ULK4: variants seen among roughly 807,000 people sequenced by gnomAD.
The protein encoded by ULK4 is inactive serine/threonine-protein kinase ULK4.
ULK4 carries 133 observed loss-of-function variants against 160.6 expected under a neutral mutation model. That is an observed-to-expected ratio of 0.83 (90% confidence interval 0.72 to 0.96). The LOEUF (loss-of-function observed/expected upper bound fraction) is 0.96. Ranked by LOEUF, ULK4 falls within the 40% of genes least tolerant of loss-of-function variation. The pLI is 0.00. For missense variants in ULK4, 1,580 were observed against 1,499.5 expected (o/e 1.05, Z -0.89); for synonymous variants, 534 against 539.8 (o/e 0.99, Z 0.15).
chr3:41,929,658 A>G (rs1243688257), intron 5 of ULK4, among the ~76,000 whole-genome samples: 2 of 152,236 alleles, frequency 1.3e-5, no homozygotes, highest in Non-Finnish European at 2.9e-5. Context: ...TACAACATCA[A>G]TGTGCGAAAA....
intron 35 of ULK4, among the ~76,000 whole-genome samples, chr3:41,291,940 C>T (rs1182808143): frequency 6.6e-6 from 1 of 151,784 alleles, no homozygotes; most frequent in Non-Finnish European, 1.5e-5. Flanking sequence ...ATGCCATTAT[C>T]CTGCCTCAGC....
intron 35 of ULK4, among the ~76,000 whole-genome samples, chr3:41,337,650 T>C (rs1329020134): frequency 6.6e-6 from 1 of 152,134 alleles, no homozygotes; most frequent in Non-Finnish European, 1.5e-5. Context: ...ACTTTAGAAT[T>C]TGTTTTGTAC....
intron 31 of ULK4, among the ~76,000 whole-genome samples, chr3:41,593,898 C>G (rs72860689): frequency 0.094 from 14,268 of 151,326 alleles, 2,322 homozygotes; most frequent in African/African-American, 0.33. Flanking sequence ...CCAGGTATCA[C>G]GGCATGTATC....
chr3:41,431,185 T>C (rs1391986236), intron 34 of ULK4, among the ~76,000 whole-genome samples: 5 of 151,958 alleles, frequency 3.3e-5, no homozygotes, highest in Admixed American at 6.6e-5. Context: ...TCGTCTCTAC[T>C]AAAAATACAA....
rs191754613 is a variant in ULK4 at position 41,571,327 on chromosome 3, A to C, written c.3121-5197T>G. Among the ~76,000 whole-genome samples, 734 of 152,326 alleles carry C rather than the reference A, an allele frequency of 4.8e-3. 5 individuals are homozygous for C. The highest frequency in any genetic ancestry group is 8.6e-3 in the Non-Finnish European group (585 of 68,014). On this transcript the variant is annotated intron_variant, in intron 31 of 36. Transcript: ENST00000301831. ...CTCTGGCCTAGAGCATCATTTCCCC[A>C]AAAAGAATGCTAAATCCATGCAAAG...
chr3:41,736,337 A>C (rs936793546), intron 22 of ULK4, among the ~76,000 whole-genome samples: 6 of 151,712 alleles, frequency 4.0e-5, no homozygotes, highest in African/African-American at 1.5e-4. Flanking sequence ...ATTTCTCCAC[A>C]TCCTCTCCAG....
chr3:41,833,277 T>G (rs1426496186), intron 18 of ULK4, among the ~76,000 whole-genome samples: 2 of 126,474 alleles, frequency 1.6e-5, no homozygotes, highest in Middle Eastern at 4.5e-3. Flanking sequence ...TTAAGTTGTT[T>G]TTTTTTTTGT....
chr3:41,850,215 G>T (rs1040767913), intron 17 of ULK4, among the ~76,000 whole-genome samples: 16 of 152,210 alleles, frequency 1.1e-4, no homozygotes, highest in Middle Eastern at 3.4e-3. Context: ...CTATCATTGT[G>T]GGACATTTGG....
intron 27 of ULK4, among the ~76,000 whole-genome samples, chr3:41,695,026 C>T (rs1012992542): frequency 1.2e-4 from 18 of 152,168 alleles, no homozygotes; most frequent in East Asian, 1.9e-4. Context: ...TCCAAGATCA[C>T]GGTGCCAGCA....
At chr3:41,800,449 A>G (rs1402201426) in intron 19 of ULK4, among the ~76,000 whole-genome samples, 156 bp from the exon 20 acceptor site, 1 of 152,206 alleles carries the variant, frequency 6.6e-6, no homozygotes, top group Admixed American at 6.5e-5. Flanking sequence ...TCAGGTCATT[A>G]TGAAACTATT....
chr3:41,822,753 G>A (rs1288310922), intron 18 of ULK4, among the ~76,000 whole-genome samples: 124 of 103,864 alleles, frequency 1.2e-3, no homozygotes, highest in Non-Finnish European at 3.8e-4. Context: ...AGACAGTCTC[G>A]CTCTGTCACC....
intron 19 of ULK4, among the ~76,000 whole-genome samples, chr3:41,801,765 C>G (rs1205316247): frequency 1.3e-5 from 2 of 152,004 alleles, no homozygotes; most frequent in African/African-American, 4.8e-5. Flanking sequence ...GTGGGAGGAT[C>G]ACTTGAGCAT....
At chr3:41,827,857 T>C (rs2041420764) in intron 18 of ULK4, among the ~76,000 whole-genome samples, 1 of 151,880 alleles carries the variant, frequency 6.6e-6, no homozygotes, top group Non-Finnish European at 1.5e-5. Flanking sequence ...AAAAGAGAAT[T>C]TTAGACCAAT....
At chr3:41,681,386 A>G (rs768926150) in intron 29 of ULK4, 122 bp downstream of exon 29, 8 of 1,381,784 alleles carry the variant, frequency 5.8e-6, no homozygotes, top group Admixed American at 2.3e-5. Flanking sequence ...TAATGAGTAC[A>G]CAAGCATATG....
rs1310629303 is a variant in ULK4 at position 41,911,634 on chromosome 3, GC to G, written c.921del (p.Pro308HisfsTer25). The G allele has an allele frequency of 6.2e-7, 1 of 1,613,524 alleles. No individual in the cohort carries two copies. The highest frequency in any genetic ancestry group is 8.5e-7 in the Non-Finnish European group (1 of 1,179,996). On this transcript the variant is annotated frameshift_variant, in exon 10 of 37. Coordinates refer to ENST00000301831, the MANE Select transcript of ULK4 (RefSeq NM_017886.4). LOFTEE classifies it high-confidence loss of function. ...TGCAAAAGCTCCTTGGAATCTTGTG[GC>G]CCAGAACACTCCATAGTGTTTCTGC... ...SLSRNTMECS[G>X]PQDSKELLQN...
intron 35 of ULK4, among the ~76,000 whole-genome samples, chr3:41,392,769 C>T (rs1280783962): frequency 6.6e-6 from 1 of 152,122 alleles, no homozygotes; most frequent in African/African-American, 2.4e-5. Context: ...TCTTTTCCTC[C>T]TTAACTTCTT....
chr3:41,272,983 G>A (rs1354740689), intron 35 of ULK4, among the ~76,000 whole-genome samples: 2 of 152,112 alleles, frequency 1.3e-5, no homozygotes, highest in African/African-American at 4.8e-5. Context: ...GAATAGAGTT[G>A]TAACTTTTAA....
At position 41,305,185 on chromosome 3, in the gene ULK4, G is replaced by GCTCTCC. The variant is rs72360335; in HGVS notation, c.3679-55617_3679-55612dup. On this transcript the variant is annotated intron_variant, in intron 35 of 36. Transcript: ENST00000301831. Reference sequence around the variant, plus strand: ...GAAGGTGATTCAAAACTGGAATAGGGCTCTCCCTCTCCCTCTCCCTCTCCC... The same window carrying GCTCTCC: ...GAAGGTGATTCAAAACTGGAATAGGGCTCTCCCTCTCCCTCTCCCTCTCCCTCTCCC... 2.1e-3 allele frequency among the ~76,000 whole-genome samples: 310 copies of GCTCTCC among 146,942 alleles called. 1 individual carries two copies. The highest frequency in any genetic ancestry group is 0.015 in the East Asian group (75 of 5,078).
At chr3:41,350,292 G>A (rs996971546) in intron 35 of ULK4, among the ~76,000 whole-genome samples, 3 of 152,024 alleles carry the variant, frequency 2.0e-5, no homozygotes, top group African/African-American at 7.3e-5. Context: ...TTAAGTGTAG[G>A]ACAAAAGTTA....
Sources: gnomAD v4.1 joint callset for allele counts (sites outside exome capture counted in the v4.1 genomes callset) on GRCh38, gnomAD v4.1.1 for gene constraint, MANE v1.5 for transcripts, NCBI Gene and HGNC (gene_info 2026-07-23, HGNC 2026-07-21) for gene names.